SLC25A13: variants seen among roughly 807,000 people sequenced by gnomAD.
The protein encoded by SLC25A13 is electrogenic aspartate/glutamate antiporter SLC25A13, mitochondrial.
A neutral mutation model predicts 85.5 loss-of-function variants in SLC25A13; 70 were observed. The observed-to-expected ratio is 0.82, with a 90% CI of 0.68 to 1.00. The LOEUF (loss-of-function observed/expected upper bound fraction) is 1.00. SLC25A13 is among the 50% of genes least tolerant of loss of function. The pLI is 0.00. For synonymous variants in SLC25A13, 259 were observed against 288.7 expected (o/e 0.90, Z 1.04); for missense variants, 765 against 819.8 (o/e 0.93, Z 0.82).
chr7:96,135,773 T>C (rs1392527424), intron 14 of SLC25A13, among the ~76,000 whole-genome samples: 1 of 151,546 alleles, frequency 6.6e-6, no homozygotes, highest in African/African-American at 2.4e-5. Context: ...ATTTGAGAAT[T>C]AATAAGTTAC....
chr7:96,129,286 T>C (rs1791902334), intron 15 of SLC25A13, among the ~76,000 whole-genome samples: 1 of 152,172 alleles, frequency 6.6e-6, no homozygotes, highest in South Asian at 2.1e-4. Context: ...GAATTTGGCA[T>C]GCAGTAATAG....
At chr7:96,303,014 G>GT (rs1448552673) in intron 1 of SLC25A13, among the ~76,000 whole-genome samples, 1 of 152,182 alleles carries the variant, frequency 6.6e-6, no homozygotes, top group Admixed American at 6.5e-5. Flanking sequence ...GTGCTTTTAG[G>GT]TTTTACAAAA....
At chr7:96,240,686 G>T (rs1309929611) in intron 3 of SLC25A13, among the ~76,000 whole-genome samples, 1 of 150,406 alleles carries the variant, frequency 6.6e-6, no homozygotes, top group Non-Finnish European at 1.5e-5. Flanking sequence ...CAAGACTGCA[G>T]TGAGCTATGA....
At chr7:96,234,156 A>G (rs1267440924) in intron 4 of SLC25A13, among the ~76,000 whole-genome samples, 4 of 152,226 alleles carry the variant, frequency 2.6e-5, no homozygotes, top group South Asian at 2.1e-4. Flanking sequence ...CTGTCCCACC[A>G]CTTCCAAGCC....
At chr7:96,321,461 C>T (rs1409884171) in intron 1 of SLC25A13, among the ~76,000 whole-genome samples, 7 of 152,232 alleles carry the variant, frequency 4.6e-5, no homozygotes, top group Admixed American at 4.6e-4. Flanking sequence ...AAAGTAACTT[C>T]CCCACCCGCG....
intron 2 of SLC25A13, chr7:96,283,789 T>A (rs866068830): frequency 6.3e-6 from 1 of 159,862 alleles, no homozygotes; most frequent in Non-Finnish European, 1.3e-5. Context: ...CTGGAAGCTA[T>A]TTCCTATGAC....
At chr7:96,203,430 T>C (rs772527814) in intron 5 of SLC25A13, among the ~76,000 whole-genome samples, 6 of 152,176 alleles carry the variant, frequency 3.9e-5, no homozygotes, top group Non-Finnish European at 7.3e-5. Context: ...TTAGAAAAAT[T>C]AATTTCAACT....
intron 13 of SLC25A13, among the ~76,000 whole-genome samples, chr7:96,153,328 G>A (rs973765243): frequency 6.6e-6 from 1 of 152,204 alleles, no homozygotes; most frequent in African/African-American, 2.4e-5. Flanking sequence ...AGAATCAATA[G>A]TAAAATAATA....
intron 2 of SLC25A13, among the ~76,000 whole-genome samples, chr7:96,278,413 T>C (rs942946055): frequency 5.9e-5 from 9 of 152,220 alleles, no homozygotes; most frequent in Admixed American, 1.3e-4. Flanking sequence ...AAAAGTCACT[T>C]GTTATTTCTA....
At chr7:96,184,170 T>C in intron 11 of SLC25A13, 107 bp downstream of exon 11, 2 of 1,373,464 alleles carry the variant, frequency 1.5e-6, no homozygotes. Context: ...AAATCTGCTG[T>C]ATTTCCATTT....
chr7:96,128,687 C>T (rs1791837020), intron 15 of SLC25A13, among the ~76,000 whole-genome samples: 1 of 151,332 alleles, frequency 6.6e-6, no homozygotes, highest in South Asian at 2.1e-4. Flanking sequence ...CAGCAAACCA[C>T]CATGGCACTT....
chr7:96,209,920 T>C (rs368674623), intron 4 of SLC25A13, among the ~76,000 whole-genome samples: 71 of 152,278 alleles, frequency 4.7e-4, no homozygotes, highest in African/African-American at 1.7e-3. Flanking sequence ...CTCATTTCTA[T>C]GAGCAAACTG....
intron 2 of SLC25A13, among the ~76,000 whole-genome samples, chr7:96,289,643 G>T (rs991280443): frequency 1.3e-5 from 2 of 152,170 alleles, no homozygotes; most frequent in African/African-American, 4.8e-5. Flanking sequence ...TCGATCAACT[G>T]GAAGAAAGGG....
intron 1 of SLC25A13, among the ~76,000 whole-genome samples, chr7:96,313,151 G>T (rs1445455732): frequency 6.6e-6 from 1 of 152,206 alleles, no homozygotes; most frequent in Non-Finnish European, 1.5e-5. Flanking sequence ...AGCTAAAAGT[G>T]CAGGGCTAGA....
At chr7:96,212,721 GGCA>G (rs1795748083) in intron 4 of SLC25A13, among the ~76,000 whole-genome samples, 2 of 152,134 alleles carry the variant, frequency 1.3e-5, no homozygotes, top group Non-Finnish European at 2.9e-5. Flanking sequence ...CACAGACATT[GGCA>G]TCACCTGCCA....
At chr7:96,161,460 C>T (rs1793506536) in intron 13 of SLC25A13, among the ~76,000 whole-genome samples, 1 of 152,192 alleles carries the variant, frequency 6.6e-6, no homozygotes, top group South Asian at 2.1e-4. Context: ...CTATGACCCA[C>T]ACCTTGTAGT....
At chr7:96,191,687 T>A (rs1389738760) in intron 6 of SLC25A13, among the ~76,000 whole-genome samples, 1 of 152,186 alleles carries the variant, frequency 6.6e-6, no homozygotes, top group Non-Finnish European at 1.5e-5. Flanking sequence ...CTATGAAAAG[T>A]AGTCAATGTA....
chr7:96,308,026 G>T (rs1467132012), intron 1 of SLC25A13, among the ~76,000 whole-genome samples: 1 of 151,958 alleles, frequency 6.6e-6, no homozygotes, highest in African/African-American at 2.4e-5. Flanking sequence ...GGTGGCACAT[G>T]CCTGTAATCC....
chr7:96,193,429 C>G (rs1430169910), intron 5 of SLC25A13, among the ~76,000 whole-genome samples: 1 of 152,134 alleles, frequency 6.6e-6, no homozygotes, highest in African/African-American at 2.4e-5. Context: ...AACCCAATTA[C>G]TTCCGTGCTC....
Sources: allele counts gnomAD v4.1 joint callset (sites outside exome capture counted in the v4.1 genomes callset), GRCh38; gene constraint gnomAD v4.1.1; transcripts MANE v1.5; gene names NCBI Gene and HGNC (gene_info 2026-07-23, HGNC 2026-07-21).